The following UTRN variants were observed in gnomAD, a reference collection of about 807,000 sequenced individuals.
The protein encoded by UTRN is dystrophin-related protein 1.
UTRN carries 283 observed loss-of-function variants against 463.9 expected under a neutral mutation model. The observed-to-expected ratio is 0.61, with a 90% confidence interval of 0.55 to 0.67. UTRN has a LOEUF of 0.67. UTRN is among the 30% of genes least tolerant of loss of function. The probability of loss-of-function intolerance (pLI) is 0.00; values close to 1 mark genes in which losing one functional copy is unlikely to be tolerated. For synonymous variants in UTRN, 1,442 were observed against 1,431.5 expected, an observed-to-expected ratio of 1.01 and a Z score of -0.17; for missense variants, 3,922 against 4,084.3, an observed-to-expected ratio of 0.96 and a Z score of 1.08.
rs1476408182 is a variant in UTRN, at chr6:144,398,308, C to T, written c.80-4815C>T. The T allele has an allele frequency of 1.6e-5, 5 of 315,158 alleles. No homozygotes were observed. In the East Asian group the frequency reaches 2.9e-4, roughly 18 times the overall value. The allele number at this position is 315,158 out of a possible 1,614,324, so 19.5% of individuals were successfully genotyped here. The stretch of plus-strand genomic sequence containing the variant: ...GAGGCTTTGTCAACATTTTGGGCTT[C>T]CTTGTCCTCAATAGATTTGCTTGTT... On this transcript the variant is annotated intron_variant, in intron 2 of 74. Coordinates refer to ENST00000367545, the MANE Select transcript of UTRN (RefSeq NM_007124.3).
At chr6:144,523,257 A>C in intron 41 of UTRN, 69 bp downstream of exon 41, 442 of 1,193,878 alleles carry the variant, frequency 3.7e-4, no homozygotes, top group Non-Finnish European at 4.5e-4. Flanking sequence ...GAAGAAGATC[A>C]TGTGGACACT....
In UTRN at chr6:144,810,195, T is replaced by C. The variant is rs370296673; in HGVS notation, c.9357+7048T>C. On this transcript the variant is annotated intron_variant, in intron 65 of 74. Coordinates refer to ENST00000367545, the MANE Select transcript of UTRN (RefSeq NM_007124.3). ...GGGCACCTCTCAAATAAGGGTCTTA[T>C]GACCCTTTAGGGAAGAAGGATGGGA... is the stretch of plus-strand genomic sequence containing the variant. 1.1e-4 allele frequency among the ~76,000 whole-genome samples: 17 copies of C among 152,268 alleles called. No individual in the cohort carries two copies. In the South Asian group the frequency reaches 3.1e-3, roughly 28 times the overall value.
chr6:144,401,579 G>A (rs1167431363), intron 2 of UTRN, among the ~76,000 whole-genome samples: 1 of 152,110 alleles, frequency 6.6e-6, no homozygotes, highest in African/African-American at 2.4e-5. Context: ...ATATCAAGGA[G>A]TTTCTTAAAC....
chr6:144,561,214 T>C (rs1485143839), intron 50 of UTRN, among the ~76,000 whole-genome samples: 2,337 of 11,428 alleles, frequency 0.2, 171 homozygotes, highest in East Asian at 0.35. Context: ...ATTATATATA[T>C]ATATATATAT....
Position 144,658,561 on chromosome 6 carries a change from A to G in UTRN, c.7480-19845A>G, listed in dbSNP as rs548766672. Among the ~76,000 whole-genome samples, 9 of 152,160 alleles carry G rather than the reference A, an allele frequency of 5.9e-5. No homozygotes were observed. The South Asian group carries it at 8.3e-4, about 14-fold the overall frequency. On this transcript the variant is annotated intron_variant, in intron 51 of 74. Coordinates refer to ENST00000367545, the MANE Select transcript of UTRN (RefSeq NM_007124.3). Reference sequence around the variant, plus strand: ...GGGGTTCCCCCCCCCACTTTGGTCTATGCCCTGATGCAAAAAAAGTAAACT... The same window carrying G: ...GGGGTTCCCCCCCCCACTTTGGTCTGTGCCCTGATGCAAAAAAAGTAAACT...
At chr6:144,645,651 G>A (rs1778215087) in intron 51 of UTRN, among the ~76,000 whole-genome samples, 1 of 152,196 alleles carries the variant, frequency 6.6e-6, no homozygotes, top group South Asian at 2.1e-4. Context: ...AGGATCTGGA[G>A]AAGACACCCT....
At chr6:144,349,065 G>A (rs956428895) in intron 2 of UTRN, among the ~76,000 whole-genome samples, 18 of 151,982 alleles carry the variant, frequency 1.2e-4, no homozygotes, top group African/African-American at 4.3e-4. Context: ...GCTGGAGCGC[G>A]TGATGGGATC....
chr6:144,317,801 T>G (rs1378027629), intron 2 of UTRN, among the ~76,000 whole-genome samples: 1 of 152,236 alleles, frequency 6.6e-6, no homozygotes, highest in Non-Finnish European at 1.5e-5. Flanking sequence ...CCTCAGACTT[T>G]CCTGTCAAGG....
At chr6:144,400,790 T>C (rs1333427384) in intron 2 of UTRN, among the ~76,000 whole-genome samples, 1 of 152,212 alleles carries the variant, frequency 6.6e-6, no homozygotes. Context: ...AGGCAAATAA[T>C]TTGTCTGTTA....
At chr6:144,564,089 C>A (rs1335327062) in intron 50 of UTRN, among the ~76,000 whole-genome samples, 2 of 152,038 alleles carry the variant, frequency 1.3e-5, no homozygotes, top group African/African-American at 4.8e-5. Context: ...TGTGACCAGC[C>A]CTAAAGATTC....
At position 144,459,154 on chromosome 6, in the gene UTRN, C is replaced by T. The variant is rs746254470; in HGVS notation, c.2527-20C>T. 1 of 1,603,050 alleles carries T rather than the reference C, an allele frequency of 6.2e-7. No homozygotes were observed. Among genetic ancestry groups the T allele is most frequent in the South Asian group, 1.1e-5 (1 of 89,224 alleles). On this transcript the variant is annotated intron_variant, in intron 20 of 74. Transcript: ENST00000367545. ...TGTTCATCTTCAGTGAGTTGTGTGA[C>T]CGTATTTTCTCTTCCTTAGCGGGAA... is the stretch of plus-strand genomic sequence containing the variant.
At chr6:144,698,841 T>G (rs1784277834) in intron 52 of UTRN, among the ~76,000 whole-genome samples, 1 of 152,236 alleles carries the variant, frequency 6.6e-6, no homozygotes, top group Non-Finnish European at 1.5e-5. Flanking sequence ...ATGGAGTTCA[T>G]AATCTAAGAA....
chr6:144,480,497 C>T (rs921502404), intron 26 of UTRN, among the ~76,000 whole-genome samples: 2 of 152,202 alleles, frequency 1.3e-5, no homozygotes, highest in African/African-American at 4.8e-5. Flanking sequence ...CCAGTTAATA[C>T]ATACGGCACA....
At chr6:144,699,473 G>GTTTTTTTTTTTTTTTT (rs71024902) in intron 52 of UTRN, among the ~76,000 whole-genome samples, 9 of 67,616 alleles carry the variant, frequency 1.3e-4, no homozygotes, top group Admixed American at 2.9e-4. Context: ...TTAGTCAGTG[G>GTTTTTTTTTTTTTTTT]TTTTTTTTTT....
intron 54 of UTRN, among the ~76,000 whole-genome samples, chr6:144,733,158 C>T (rs1788950339): frequency 6.6e-6 from 1 of 152,166 alleles, no homozygotes; most frequent in African/African-American, 2.4e-5. Context: ...GAGCTTAGGG[C>T]TATTTTGAAT....
chr6:144,358,607 G>A (rs1465914737), intron 2 of UTRN, among the ~76,000 whole-genome samples: 2 of 151,954 alleles, frequency 1.3e-5, no homozygotes, highest in East Asian at 1.9e-4. Context: ...ATTAACTCTT[G>A]TGTTGTTTAA....
chr6:144,353,546 C>A (rs532144658), intron 2 of UTRN, among the ~76,000 whole-genome samples: 1 of 152,244 alleles, frequency 6.6e-6, no homozygotes, highest in South Asian at 2.1e-4. Flanking sequence ...GCGTGAGCCA[C>A]TGTGCCTGGC....
rs201162609 is a variant in UTRN at position 144,488,727 on chromosome 6, G to C, written c.4027G>C (p.Asp1343His). ...GCAACTCCAGGTGCTGCGGGAAACT[G>C]ACCAGATGCTTCAAGTCTTGCAAGA... Reference protein sequence around the residue: ...EKQLQVLRETDQMLQVLQESL... With the variant: ...EKQLQVLRETHQMLQVLQESL... The change falls in exon 30 of 75, where the codon GAC (aspartate) becomes CAC (histidine). Residue 1343 changes from aspartate to histidine, a missense_variant. By Grantham distance (81) the Asp-to-His change is moderately conservative (BLOSUM62 -1). Coordinates refer to ENST00000367545, the MANE Select transcript of UTRN (RefSeq NM_007124.3). The C allele has an allele frequency of 1.4e-4, 220 of 1,613,574 alleles. 1 individual carries two copies. Among genetic ancestry groups the C allele is most frequent in the Middle Eastern group, 1.6e-4 (1 of 6,084 alleles).
chr6:144,744,318 ATATGTGTGTGTGTGTGTGTG>A (rs1562851488), intron 54 of UTRN, among the ~76,000 whole-genome samples: 9 of 135,588 alleles, frequency 6.6e-5, no homozygotes, highest in Admixed American at 1.5e-4. Flanking sequence ...ATATATATAT[ATATGTGTGTGTGTGTGTGTG>A]TGTGTGTGTG....
Sources: allele counts gnomAD v4.1 joint callset (sites outside exome capture counted in the v4.1 genomes callset), GRCh38; gene constraint gnomAD v4.1.1; transcripts MANE v1.5; gene names NCBI Gene and HGNC (gene_info 2026-07-23, HGNC 2026-07-21).